The following CACNA2D2 variants were observed in gnomAD, a reference collection of about 807,000 sequenced individuals.
CACNA2D2 encodes the protein voltage-dependent calcium channel subunit alpha-2/delta-2.
Under a neutral mutation model 166.4 loss-of-function variants are expected in CACNA2D2, and 48 were observed. The observed-to-expected ratio is 0.29, with a 90% CI of 0.23 to 0.37. The LOEUF is 0.37. Among genes scored for constraint, CACNA2D2 ranks in the 10% least tolerant of loss-of-function variants. The pLI, the probability that CACNA2D2 is intolerant of heterozygous loss-of-function variation, is 1.00. For synonymous variants in CACNA2D2, 561 were observed against 573.7 expected, an observed-to-expected ratio of 0.98 and a Z score of 0.32; for missense variants, 1,122 against 1,433.0, an observed-to-expected ratio of 0.78 and a Z score of 3.50.
Position 50,366,345 on chromosome 3 carries a change from G to A in CACNA2D2, c.2638-7C>T, listed in dbSNP as rs780942169. On this transcript the variant is annotated splice_polypyrimidine_tract_variant and splice_region_variant and intron_variant, in intron 30 of 37. Coordinates refer to ENST00000424201, the MANE Select transcript of CACNA2D2 (RefSeq NM_006030.4). This position sits in a 1 kb window ranked among gnomAD's most constrained non-coding sequence, Gnocchi z 5.9. ...TGAGGACACAGAGTAAGTCCTAGGA[G>A]GAAGGGAATGGGGAGGAAAATGGAG... The A allele has an allele frequency of 7.4e-6, 12 of 1,613,848 alleles. No individual in the cohort carries two copies. In the South Asian group the frequency reaches 1.2e-4, roughly 16 times the overall value.
intron 6 of CACNA2D2, among the ~76,000 whole-genome samples, chr3:50,383,362 G>A (rs1705431647): frequency 1.3e-5 from 2 of 152,264 alleles, no homozygotes; most frequent in Admixed American, 1.3e-4. Flanking sequence ...GGGCTTTTGA[G>A]TCCCAGCCCA....
chr3:50,462,981 A>G (rs946241564), intron 2 of CACNA2D2, among the ~76,000 whole-genome samples: 4 of 152,134 alleles, frequency 2.6e-5, no homozygotes, highest in African/African-American at 9.7e-5. Context: ...CAGGGGACTG[A>G]CTGCTTTGAC....
intron 2 of CACNA2D2, among the ~76,000 whole-genome samples, chr3:50,440,822 A>C (rs1160484078): frequency 6.6e-6 from 1 of 152,126 alleles, no homozygotes; most frequent in Non-Finnish European, 1.5e-5. Context: ...GGCAGTAGAC[A>C]GAGCTGTGCA....
At chr3:50,406,591 C>A (rs1191671249) in intron 3 of CACNA2D2, among the ~76,000 whole-genome samples, 1 of 150,682 alleles carries the variant, frequency 6.6e-6, no homozygotes. Context: ...ACATCCTCCC[C>A]ATCACCATTG....
intron 1 of CACNA2D2, among the ~76,000 whole-genome samples, chr3:50,486,998 C>T (rs1698313706): frequency 6.6e-6 from 1 of 152,252 alleles, no homozygotes; most frequent in African/African-American, 2.4e-5. Context: ...GTGCTGGGCA[C>T]TCCATGTGAT....
At chr3:50,457,173 T>G (rs950775442) in intron 2 of CACNA2D2, among the ~76,000 whole-genome samples, 2 of 152,094 alleles carry the variant, frequency 1.3e-5, no homozygotes. Flanking sequence ...TTGCTTGAAC[T>G]CGGGAGGCGG....
At position 50,367,592 on chromosome 3, in the gene CACNA2D2, G is replaced by T; in HGVS notation, c.2297+50C>A. Reference sequence around the variant, plus strand: ...AAGGAGGCCTCTGGGCAGAACAGATGCAGGTTCCCTGGCAGGGGCAGGGTT... The same window carrying T: ...AAGGAGGCCTCTGGGCAGAACAGATTCAGGTTCCCTGGCAGGGGCAGGGTT... On this transcript the variant is annotated intron_variant, in intron 26 of 37. Coordinates refer to ENST00000424201, the MANE Select transcript of CACNA2D2 (RefSeq NM_006030.4). This position sits in a 1 kb window ranked among gnomAD's most constrained non-coding sequence, Gnocchi z 6.5. 1 of 1,606,740 alleles carries T rather than the reference G, an allele frequency of 6.2e-7. No homozygotes were observed. Among genetic ancestry groups the T allele is most frequent in the Non-Finnish European group, 8.5e-7 (1 of 1,173,930 alleles).
chr3:50,392,457 G>A (rs1181926398), intron 4 of CACNA2D2, among the ~76,000 whole-genome samples: 1 of 152,208 alleles, frequency 6.6e-6, no homozygotes, highest in Non-Finnish European at 1.5e-5. Flanking sequence ...CAGGCACCCG[G>A]TGGGATGTGG....
chr3:50,435,132 A>AGGGG (rs200446042), intron 2 of CACNA2D2, among the ~76,000 whole-genome samples: 2 of 125,388 alleles, frequency 1.6e-5, no homozygotes, highest in African/African-American at 8.1e-5. Flanking sequence ...TGTAAATCTG[A>AGGGG]GGGTGTGTGT....
intron 1 of CACNA2D2, among the ~76,000 whole-genome samples, chr3:50,480,676 G>A (rs1184300249): frequency 2.7e-5 from 4 of 150,300 alleles, no homozygotes; most frequent in Non-Finnish European, 4.4e-5. Context: ...GGGGTGAGAA[G>A]CTGCAGCTGA....
chr3:50,429,681 A>G (rs1477194108), intron 3 of CACNA2D2, among the ~76,000 whole-genome samples: 1 of 151,322 alleles, frequency 6.6e-6, no homozygotes, highest in Non-Finnish European at 1.5e-5. Flanking sequence ...GAGGCGGAAC[A>G]ATGGCGTGAA....
rs1707850203 is a variant in CACNA2D2 at position 50,427,357 on chromosome 3, C to G, written c.405+6956G>C. Among the ~76,000 whole-genome samples, 1 of 152,264 alleles carries G rather than the reference C, an allele frequency of 6.6e-6. No homozygotes were observed. The highest frequency in any genetic ancestry group is 2.4e-5 in the African/African-American group (1 of 41,470). On this transcript the variant is annotated intron_variant, in intron 3 of 37. Coordinates refer to ENST00000424201, the MANE Select transcript of CACNA2D2 (RefSeq NM_006030.4). The surrounding 1 kb of genome is among the most constrained non-coding windows in gnomAD (Gnocchi z 4.7). ...ATGCTTCCCCCATCCCTGGGGACCC[C>G]CAGCTGGCTCCTGTGGGCGGCAACT...
intron 6 of CACNA2D2, among the ~76,000 whole-genome samples, chr3:50,381,443 G>A (rs1013024903): frequency 2.4e-4 from 37 of 151,898 alleles, no homozygotes; most frequent in African/African-American, 8.0e-4. Flanking sequence ...CTGGGAACTC[G>A]GAGCCCTCAG....
Position 50,380,103 on chromosome 3 carries a change from C to T in CACNA2D2, c.843-85G>A. 1 of 1,394,328 alleles carries T rather than the reference C, an allele frequency of 7.2e-7. No individual in the cohort carries two copies. The highest frequency in any genetic ancestry group is 1.0e-6 in the Non-Finnish European group (1 of 984,800). 86.4% of individuals were successfully genotyped at this position (1,394,328 alleles called of 1,614,324 possible). A position where few individuals can be genotyped will look rare whatever the true frequency, so the allele number is the denominator to read the frequency against. ...CCTTCACATACATATTGATTCAATA[C>T]ATTTCTCTTGAGCATGCACTGTGTG... On this transcript the variant is annotated intron_variant, in intron 8 of 37. Transcript: ENST00000424201. This position sits in a 1 kb window ranked among gnomAD's most constrained non-coding sequence, Gnocchi z 4.9.
intron 1 of CACNA2D2, among the ~76,000 whole-genome samples, chr3:50,493,320 G>A (rs948226324): frequency 2.0e-5 from 3 of 152,208 alleles, no homozygotes; most frequent in African/African-American, 2.4e-5. Flanking sequence ...GGTTCAGAGT[G>A]GGCATGTGAC....
At chr3:50,484,983 C>G (rs555395999) in intron 1 of CACNA2D2, among the ~76,000 whole-genome samples, 1 of 152,356 alleles carries the variant, frequency 6.6e-6, no homozygotes, top group East Asian at 1.9e-4. Context: ...GAGGCCCTCC[C>G]TTCCCCTGGC....
chr3:50,374,902 C>T lies in CACNA2D2; in HGVS notation c.1908-89G>A, dbSNP rs1454317845. Reference sequence around the variant, plus strand: ...ATGGCCTTGGAGCTGGGCAGAGGCCCCAGCTGCAGCATCCCCTCCTCCCAC... The same window carrying T: ...ATGGCCTTGGAGCTGGGCAGAGGCCTCAGCTGCAGCATCCCCTCCTCCCAC... On this transcript the variant is annotated intron_variant, in intron 21 of 37. Coordinates refer to ENST00000424201, the MANE Select transcript of CACNA2D2 (RefSeq NM_006030.4). 6 of 1,035,626 alleles carry T rather than the reference C, an allele frequency of 5.8e-6. No individual in the cohort carries two copies. The East Asian group carries it at 1.6e-4, about 27-fold the overall frequency. The allele number at this position is 1,035,626 out of a possible 1,614,324, so 64.2% of individuals were successfully genotyped here. A position where few individuals can be genotyped will look rare whatever the true frequency, so the allele number is the denominator to read the frequency against.
intron 1 of CACNA2D2, among the ~76,000 whole-genome samples, chr3:50,495,883 A>C (rs1019036930): frequency 6.6e-6 from 1 of 152,218 alleles, no homozygotes; most frequent in African/African-American, 2.4e-5. Context: ...GGACTCACGG[A>C]GCTCCTCTGA....
At chr3:50,494,254 G>A (rs1451304816) in intron 1 of CACNA2D2, among the ~76,000 whole-genome samples, 1 of 152,192 alleles carries the variant, frequency 6.6e-6, no homozygotes, top group Non-Finnish European at 1.5e-5. Flanking sequence ...AGTGGGGGCA[G>A]GGCGGGGGTG....
Sources: gnomAD v4.1 joint callset for allele counts (sites outside exome capture counted in the v4.1 genomes callset) on GRCh38, gnomAD v4.1.1 for gene constraint, Gnocchi (gnomAD v3.1) non-coding constraint, MANE v1.5 for transcripts, NCBI Gene and HGNC (gene_info 2026-07-23, HGNC 2026-07-21) for gene names.